UBE4A: variants seen among roughly 807,000 people sequenced by gnomAD.
UBE4A encodes ubiquitin conjugation factor E4 A.
Under a neutral mutation model 117.9 loss-of-function variants are expected in UBE4A, and 48 were observed. That is an observed-to-expected ratio of 0.41 (90% CI 0.32 to 0.52). The LOEUF (loss-of-function observed/expected upper bound fraction) is 0.52. Ranked by LOEUF, UBE4A falls within the 20% of genes least tolerant of loss-of-function variation. UBE4A has a pLI of 0.33. For missense variants in UBE4A, 1,067 were observed against 1,296.3 expected (o/e 0.82, Z 2.72); for synonymous variants, 407 against 450.0 (o/e 0.90, Z 1.21).
intron 16 of UBE4A, among the ~76,000 whole-genome samples, chr11:118,387,102 A>G (rs781843567): frequency 6.6e-6 from 1 of 152,212 alleles, no homozygotes; most frequent in Non-Finnish European, 1.5e-5. Flanking sequence ...TAGTGTTAAA[A>G]TGTGAAATCT....
chr11:118,364,850 G>C (rs1366432925), intron 1 of UBE4A, among the ~76,000 whole-genome samples, 190 bp from the exon 2 acceptor site: 1 of 150,226 alleles, frequency 6.7e-6, no homozygotes, highest in Non-Finnish European at 1.5e-5. Context: ...TCAAGCCACC[G>C]AGTCCAGCTG....
Position 118,397,162 on chromosome 11 carries a change from T to C in UBE4A, c.*722T>C, listed in dbSNP as rs193148462. 6.6e-6 allele frequency: 1 copy of C among 152,308 alleles called. No individual in the cohort carries two copies. The highest frequency in any genetic ancestry group is 1.9e-4 in the East Asian group (1 of 5,182). The allele number at this position is 152,308 out of a possible 1,614,324, so 9.4% of individuals were successfully genotyped here. ...AGACTGTTGGGCCCTTATTCTCTTATGAAAATCTGTTTCTACAAGGACTAG... is the reference window on the plus strand; with the variant it reads ...AGACTGTTGGGCCCTTATTCTCTTACGAAAATCTGTTTCTACAAGGACTAG... On this transcript the variant is annotated 3_prime_UTR_variant, in exon 20 of 20. Coordinates refer to ENST00000252108, the MANE Select transcript of UBE4A (RefSeq NM_001204077.2).
intron 8 of UBE4A, 147 bp downstream of exon 8, chr11:118,373,832 C>A: frequency 9.8e-7 from 1 of 1,020,488 alleles, no homozygotes; most frequent in Non-Finnish European, 1.4e-6. Flanking sequence ...TAAAACTGGG[C>A]ATGGTAGCTC....
rs1555130213 is a variant in UBE4A, at chr11:118,398,347, TTCTTTTTTTA to T, written c.*1908_*1917del. 1 of 152,644 alleles carries T rather than the reference TTCTTTTTTTA, an allele frequency of 6.6e-6. No homozygotes were observed. The highest frequency in any genetic ancestry group is 6.5e-5 in the Admixed American group (1 of 15,282). 9.5% of individuals were successfully genotyped at this position (152,644 alleles called of 1,614,324 possible). A position where few individuals can be genotyped will look rare whatever the true frequency, so the allele number is the denominator to read the frequency against. On this transcript the variant is annotated 3_prime_UTR_variant, in exon 20 of 20. Coordinates refer to ENST00000252108, the MANE Select transcript of UBE4A (RefSeq NM_001204077.2). ...GTAAGCCTTTTCTGGCAAGCTTTTC[TTCTTTTTTTA>T]AACTCTTTTCCTGAAACTTTTTATG...
chr11:118,376,445 CAAAG>C (rs1217510912), intron 9 of UBE4A, 125 bp from the exon 10 acceptor site: 15 of 1,315,242 alleles, frequency 1.1e-5, no homozygotes, highest in Non-Finnish European at 1.5e-5. Context: ...TATATTCAGA[CAAAG>C]AACTAATATG....
chr11:118,370,658 TA>T (rs1219501924), intron 4 of UBE4A, among the ~76,000 whole-genome samples: 1 of 151,740 alleles, frequency 6.6e-6, no homozygotes, highest in Non-Finnish European at 1.5e-5. Context: ...CAGTAATTTA[TA>T]AAGAAAAGTT....
intron 9 of UBE4A, 106 bp from the exon 10 acceptor site, chr11:118,376,468 T>A (rs1038842987): frequency 7.0e-7 from 1 of 1,424,796 alleles, no homozygotes; most frequent in Admixed American, 2.2e-5. Flanking sequence ...TGACAAGATA[T>A]GTTTTTAAGA....
At chr11:118,392,424 C>A (rs1158791761) in intron 18 of UBE4A, among the ~76,000 whole-genome samples, 2 of 152,228 alleles carry the variant, frequency 1.3e-5, no homozygotes, top group African/African-American at 2.4e-5. Context: ...ATGGCATTTA[C>A]AACAGAACTG....
intron 4 of UBE4A, among the ~76,000 whole-genome samples, chr11:118,370,805 G>T (rs1948602707): frequency 6.6e-6 from 1 of 152,174 alleles, no homozygotes; most frequent in African/African-American, 2.4e-5. Context: ...ATGCAAGGAG[G>T]AGAAAACCTG....
At chr11:118,371,074 C>T (rs1448632000) in intron 4 of UBE4A, among the ~76,000 whole-genome samples, 3 of 152,232 alleles carry the variant, frequency 2.0e-5, no homozygotes, top group South Asian at 4.2e-4. Context: ...CAAAACAGTG[C>T]GTTGTACCTT....
chr11:118,390,537 A>T, intron 17 of UBE4A, 120 bp from the exon 18 acceptor site: 1 of 451,188 alleles, frequency 2.2e-6, no homozygotes, highest in Non-Finnish European at 3.5e-6. Context: ...AAGTCTTTCT[A>T]TATCAAAAGA....
In UBE4A at chr11:118,372,675, A is replaced by G. The variant is rs747862507; in HGVS notation, c.721+9A>G. Reference sequence around the variant, plus strand: ...AGCCATCCAGGGAGCCCGTGAGTACATGAACAAGATCTGTAAGCTTCTACA... The same window carrying G: ...AGCCATCCAGGGAGCCCGTGAGTACGTGAACAAGATCTGTAAGCTTCTACA... On this transcript the variant is annotated intron_variant, in intron 6 of 19. Coordinates refer to ENST00000252108, the MANE Select transcript of UBE4A (RefSeq NM_001204077.2). The G allele has an allele frequency of 1.2e-6, 2 of 1,612,244 alleles. No individual in the cohort carries two copies. The highest frequency in any genetic ancestry group is 1.7e-5 in the Admixed American group (1 of 59,138).
intron 2 of UBE4A, among the ~76,000 whole-genome samples, chr11:118,366,226 C>T (rs1483481325): frequency 6.6e-6 from 1 of 152,028 alleles, no homozygotes; most frequent in East Asian, 1.9e-4. Context: ...TCTGAAATCT[C>T]TCCCAGATTT....
chr11:118,365,094 A>T lies in UBE4A; in HGVS notation c.14A>T (p.Glu5Val). The change falls in exon 2 of 20, where the codon GAG (glutamate) becomes GTG (valine). Residue 5 changes from glutamate to valine, a missense_variant. By Grantham distance (121) the Glu-to-Val change is moderately radical (BLOSUM62 -2). This residue lies in a region of UBE4A where 1,001 missense variants were observed against 1,184.0 expected (regional missense o/e 0.85). Transcript: ENST00000252108. ...CCTTAAAGTGAAATGACAGACCAGG[A>T]GAATAACAACAACATCTCAAGTAAC... is the stretch of plus-strand genomic sequence containing the variant. MTDQ[E>V]NNNNISSNPF... The T allele has an allele frequency of 6.2e-7, 1 of 1,614,020 alleles. No individual in the cohort carries two copies. The highest frequency in any genetic ancestry group is 8.5e-7 in the Non-Finnish European group (1 of 1,179,950).
At chr11:118,362,305 A>T (rs1016399789) in intron 1 of UBE4A, among the ~76,000 whole-genome samples, 15 of 151,936 alleles carry the variant, frequency 9.9e-5, no homozygotes, top group Non-Finnish European at 5.9e-5. Context: ...TGTGTGTTTT[A>T]AGTAGAGATG....
Position 118,384,623 on chromosome 11 carries a change from G to A in UBE4A, c.2198-12G>A. The stretch of plus-strand genomic sequence containing the variant: ...CCGCCTTTGCTGATATTTCGCTCTT[G>A]CCTTACTCCAGGAGACCCCCATCAA... On this transcript the variant is annotated splice_polypyrimidine_tract_variant and intron_variant, in intron 13 of 19. Coordinates refer to ENST00000252108, the MANE Select transcript of UBE4A (RefSeq NM_001204077.2). The A allele has an allele frequency of 6.2e-7, 1 of 1,612,538 alleles. No homozygotes were observed. The highest frequency in any genetic ancestry group is 1.7e-5 in the Admixed American group (1 of 59,936).
chr11:118,370,211 G>C (rs958064309), intron 4 of UBE4A, among the ~76,000 whole-genome samples: 1 of 152,180 alleles, frequency 6.6e-6, no homozygotes, highest in African/African-American at 2.4e-5. Context: ...TCTGTCTCAT[G>C]TTGCGGCTTT....
chr11:118,379,608 A>G lies in UBE4A; in HGVS notation c.1734A>G (p.Pro578=). 1 of 1,614,258 alleles carries G rather than the reference A, an allele frequency of 6.2e-7. No homozygotes were observed. Among genetic ancestry groups the G allele is most frequent in the Non-Finnish European group, 8.5e-7 (1 of 1,180,046 alleles). Residue 578 remains proline, a synonymous_variant, in exon 11 of 20, where the codon CCA becomes CCG. Transcript: ENST00000252108. Reference sequence around the variant, plus strand: ...CTACCAAGACTGCCATGACAGAGCCACAAATGCTACAAAACTGCCTAAACT... The same window carrying G: ...CTACCAAGACTGCCATGACAGAGCCGCAAATGCTACAAAACTGCCTAAACT... ...YLSTKTAMTE[P]QMLQNCLNLQ... is the part of the protein sequence containing the mutation.
intron 16 of UBE4A, among the ~76,000 whole-genome samples, chr11:118,387,694 C>T (rs894808253): frequency 6.6e-6 from 1 of 152,116 alleles, no homozygotes; most frequent in Non-Finnish European, 1.5e-5. Context: ...AAACAAGACC[C>T]TAAAATAGCC....
Sources: gnomAD v4.1 joint callset for allele counts (sites outside exome capture counted in the v4.1 genomes callset) on GRCh38, gnomAD v4.1.1 for gene constraint, gnomAD v4.1.1 regional missense constraint, MANE v1.5 for transcripts, NCBI Gene and HGNC (gene_info 2026-07-23, HGNC 2026-07-21) for gene names.